The following CTNND2 variants were observed in gnomAD, a reference collection of about 807,000 sequenced individuals.
CTNND2 encodes the protein catenin delta-2.
Under a neutral mutation model 144.4 loss-of-function variants are expected in CTNND2, and 22 were observed. That is an observed-to-expected ratio of 0.15 (90% confidence interval 0.11 to 0.22). The LOEUF is 0.22. CTNND2 is among the 10% of genes least tolerant of loss of function. The pLI, the probability that CTNND2 is intolerant of heterozygous loss-of-function variation, is 1.00. For synonymous variants in CTNND2, 751 were observed against 695.6 expected, an observed-to-expected ratio of 1.08 and a Z score of -1.25; for missense variants, 1,353 against 1,618.8, an observed-to-expected ratio of 0.84 and a Z score of 2.82.
At chr5:11,532,500 C>T (rs1773835233) in intron 3 of CTNND2, among the ~76,000 whole-genome samples, 1 of 152,134 alleles carries the variant, frequency 6.6e-6, no homozygotes, top group African/African-American at 2.4e-5. Flanking sequence ...AACCAAAAGG[C>T]CATTAAAGAC....
In CTNND2 at chr5:11,283,075, C is replaced by A. The variant is rs138106446; in HGVS notation, c.1629-46252G>T. On this transcript the variant is annotated intron_variant, in intron 9 of 21. Transcript: ENST00000304623. ...AAAATTCTCCTAAAATGCTTTGACA[C>A]CCTTACCAATGTTATTTGCTTGCTT... is the stretch of plus-strand genomic sequence containing the variant. Among the ~76,000 whole-genome samples the A allele has an allele frequency of 3.3e-5, 5 of 152,300 alleles. No homozygotes were observed. The East Asian group carries it at 7.7e-4, about 23-fold the overall frequency.
chr5:11,428,622 T>G (rs1763001653), intron 3 of CTNND2, among the ~76,000 whole-genome samples: 1 of 152,250 alleles, frequency 6.6e-6, no homozygotes, highest in Admixed American at 6.5e-5. Context: ...CTGTTCCTGG[T>G]ACTCATAAAA....
intron 15 of CTNND2, among the ~76,000 whole-genome samples, chr5:11,095,898 A>G (rs1751294864): frequency 6.6e-6 from 1 of 151,978 alleles, no homozygotes; most frequent in Non-Finnish European, 1.5e-5. Context: ...CTGTGAGTTT[A>G]TAGTTTTCAT....
chr5:11,364,498 G>A, intron 8 of CTNND2, 198 bp downstream of exon 8: 1 of 461,112 alleles, frequency 2.2e-6, no homozygotes, highest in South Asian at 5.6e-5. Context: ...CTTTCATTCA[G>A]ATTATACCAA....
intron 17 of CTNND2, among the ~76,000 whole-genome samples, chr5:11,018,859 T>C (rs1355312196): frequency 2.0e-5 from 3 of 152,002 alleles, no homozygotes; most frequent in Non-Finnish European, 4.4e-5. Flanking sequence ...TACAGGCGTG[T>C]GCCACCATGC....
At chr5:11,527,933 G>A (rs1307637523) in intron 3 of CTNND2, among the ~76,000 whole-genome samples, 2 of 152,054 alleles carry the variant, frequency 1.3e-5, no homozygotes, top group African/African-American at 4.8e-5. Flanking sequence ...CATTAAGGGT[G>A]TTTTTCCAAA....
intron 9 of CTNND2, among the ~76,000 whole-genome samples, chr5:11,243,179 T>G (rs931084711): frequency 3.9e-5 from 6 of 152,216 alleles, no homozygotes; most frequent in African/African-American, 1.4e-4. Flanking sequence ...CCTTTCAAAA[T>G]AATTTCCTTT....
intron 12 of CTNND2, among the ~76,000 whole-genome samples, chr5:11,151,087 G>T (rs117231220): frequency 2.0e-5 from 3 of 152,164 alleles, no homozygotes; most frequent in Admixed American, 2.0e-4. Context: ...ACTAACTCAC[G>T]GGTTGTTTGG....
intron 3 of CTNND2, among the ~76,000 whole-genome samples, chr5:11,442,362 A>G (rs1288145499): frequency 6.6e-6 from 1 of 152,204 alleles, no homozygotes; most frequent in Non-Finnish European, 1.5e-5. Context: ...AAGTTATCTA[A>G]TTAGTTTGTT....
At chr5:11,866,529 C>G (rs867397089) in intron 1 of CTNND2, among the ~76,000 whole-genome samples, 1 of 152,156 alleles carries the variant, frequency 6.6e-6, no homozygotes, top group Non-Finnish European at 1.5e-5. Context: ...AGGAGGTCCC[C>G]ACTGACAGCT....
chr5:11,399,089 G>A (rs1256893793), intron 5 of CTNND2, among the ~76,000 whole-genome samples: 1 of 152,208 alleles, frequency 6.6e-6, no homozygotes, highest in East Asian at 1.9e-4. Context: ...AATGGTGGGA[G>A]TGAGCTATGG....
intron 1 of CTNND2, among the ~76,000 whole-genome samples, chr5:11,877,487 A>G (rs1225014987): frequency 6.6e-6 from 1 of 152,166 alleles, no homozygotes; most frequent in Non-Finnish European, 1.5e-5. Flanking sequence ...AATCAAGCCT[A>G]TAAGAAATAA....
chr5:11,045,097 C>T (rs1055664363), intron 16 of CTNND2, among the ~76,000 whole-genome samples: 11 of 152,228 alleles, frequency 7.2e-5, no homozygotes, highest in African/African-American at 2.7e-4. Context: ...GCCTAAGGCT[C>T]TAGGGGAGGC....
At chr5:11,576,554 G>A (rs1405639353) in intron 2 of CTNND2, among the ~76,000 whole-genome samples, 1 of 151,600 alleles carries the variant, frequency 6.6e-6, no homozygotes, top group Non-Finnish European at 1.5e-5. Flanking sequence ...ACACTGTTCT[G>A]ACTTTTCAGA....
chr5:10,991,466 C>A (rs969876451), intron 19 of CTNND2, among the ~76,000 whole-genome samples: 1 of 152,172 alleles, frequency 6.6e-6, no homozygotes, highest in African/African-American at 2.4e-5. Flanking sequence ...AGAACAAAAT[C>A]AAAATGCAGA....
intron 10 of CTNND2, among the ~76,000 whole-genome samples, chr5:11,228,474 C>T (rs1323278041): frequency 6.7e-6 from 1 of 148,822 alleles, no homozygotes; most frequent in African/African-American, 2.5e-5. Context: ...TATTTTCTGT[C>T]CTGCAGGTTA....
chr5:11,132,233 G>A (rs1258085054), intron 12 of CTNND2, among the ~76,000 whole-genome samples: 1 of 152,196 alleles, frequency 6.6e-6, no homozygotes, highest in African/African-American at 2.4e-5. Flanking sequence ...TCACTCAGTA[G>A]GGAAGAAAGG....
chr5:11,269,650 G>T (rs1261193903), intron 9 of CTNND2, among the ~76,000 whole-genome samples: 1 of 152,186 alleles, frequency 6.6e-6, no homozygotes, highest in Non-Finnish European at 1.5e-5. Context: ...TGAATAGGAA[G>T]TTCACAATAG....
chr5:11,666,915 C>T (rs916011893), intron 2 of CTNND2, among the ~76,000 whole-genome samples: 1 of 151,944 alleles, frequency 6.6e-6, no homozygotes, highest in Non-Finnish European at 1.5e-5. Context: ...CTATACTTCC[C>T]CCAGCCCCCA....
Sources: gnomAD v4.1 joint callset for allele counts (sites outside exome capture counted in the v4.1 genomes callset) on GRCh38, gnomAD v4.1.1 for gene constraint, MANE v1.5 for transcripts, NCBI Gene and HGNC (gene_info 2026-07-23, HGNC 2026-07-21) for gene names.